The following GALNTL6 variants were observed in gnomAD, a reference collection of about 807,000 sequenced individuals.
The protein encoded by GALNTL6 is polypeptide N-acetylgalactosaminyltransferase like 6, also known as polypeptide N-acetylgalactosaminyltransferase-like 6.
Under a neutral mutation model 73.7 loss-of-function variants are expected in GALNTL6, and 46 were observed. That is an observed-to-expected ratio of 0.62 (90% CI 0.49 to 0.80). The LOEUF (loss-of-function observed/expected upper bound fraction) is 0.80. Among genes scored for constraint, GALNTL6 ranks in the 30% least tolerant of loss-of-function variants. The pLI is 0.00. For missense variants in GALNTL6, 604 were observed against 755.0 expected (o/e 0.80, Z 2.34); for synonymous variants, 259 against 263.7 (o/e 0.98, Z 0.17).
At chr4:172,897,275 G>C (rs1376828410) in intron 8 of GALNTL6, among the ~76,000 whole-genome samples, 1 of 152,170 alleles carries the variant, frequency 6.6e-6, no homozygotes, top group African/African-American at 2.4e-5. Flanking sequence ...AGGGTTTAGA[G>C]CTGGGAGTAG....
intron 7 of GALNTL6, among the ~76,000 whole-genome samples, chr4:172,858,818 C>A (rs576290448): frequency 3.8e-4 from 57 of 151,972 alleles, no homozygotes; most frequent in African/African-American, 1.3e-3. Flanking sequence ...CAGATAGGAA[C>A]GTGACTGGGA....
intron 5 of GALNTL6, among the ~76,000 whole-genome samples, chr4:172,534,724 A>T (rs1173754718): frequency 6.6e-6 from 1 of 152,074 alleles, no homozygotes; most frequent in African/African-American, 2.4e-5. Context: ...GTGCACCACC[A>T]TGCCGGCTAA....
intron 5 of GALNTL6, among the ~76,000 whole-genome samples, chr4:172,475,980 T>C (rs1306936004): frequency 6.6e-6 from 1 of 152,198 alleles, no homozygotes; most frequent in Non-Finnish European, 1.5e-5. Context: ...TAATAATTTT[T>C]TTAGTGAATT....
intron 5 of GALNTL6, among the ~76,000 whole-genome samples, chr4:172,608,379 A>G (rs1345772574): frequency 6.6e-6 from 1 of 152,276 alleles, no homozygotes; most frequent in South Asian, 2.1e-4. Context: ...TCATTTATTG[A>G]ATAGAGAATT....
intron 5 of GALNTL6, among the ~76,000 whole-genome samples, chr4:172,361,991 C>T (rs575778319): frequency 1.4e-4 from 21 of 152,108 alleles, no homozygotes; most frequent in Admixed American, 6.6e-4. Flanking sequence ...ATTATTATTC[C>T]GGCTATAAAA....
At chr4:172,371,282 G>T (rs940530918) in intron 5 of GALNTL6, among the ~76,000 whole-genome samples, 1 of 152,158 alleles carries the variant, frequency 6.6e-6, no homozygotes, top group African/African-American at 2.4e-5. Context: ...ACTTCCTATG[G>T]TAATTAATTA....
chr4:172,858,143 G>A (rs962085671), intron 7 of GALNTL6, among the ~76,000 whole-genome samples: 13 of 152,100 alleles, frequency 8.5e-5, no homozygotes, highest in Admixed American at 3.3e-4. Context: ...TGATGAAAAA[G>A]GGGTGACATT....
intron 10 of GALNTL6, among the ~76,000 whole-genome samples, chr4:172,969,862 G>A (rs901189293): frequency 3.3e-5 from 5 of 152,154 alleles, no homozygotes; most frequent in Admixed American, 2.0e-4. Flanking sequence ...ATCACATATC[G>A]GGGGAACCAG....
At chr4:172,678,427 C>A (rs145713783) in intron 5 of GALNTL6, among the ~76,000 whole-genome samples, 1 of 151,522 alleles carries the variant, frequency 6.6e-6, no homozygotes, top group East Asian at 1.9e-4. Context: ...CTCACCGCAA[C>A]CTCTGCCTCC....
chr4:172,270,839 C>T (rs1246266535), intron 3 of GALNTL6, among the ~76,000 whole-genome samples: 1 of 152,066 alleles, frequency 6.6e-6, no homozygotes, highest in African/African-American at 2.4e-5. Context: ...AAACTCAAAA[C>T]ATTAGAATTA....
At chr4:171,837,633 T>C (rs1735129578) in intron 2 of GALNTL6, among the ~76,000 whole-genome samples, 1 of 147,168 alleles carries the variant, frequency 6.8e-6, no homozygotes, top group Non-Finnish European at 1.5e-5. Context: ...TGTATATATT[T>C]ATATAATATA....
intron 5 of GALNTL6, among the ~76,000 whole-genome samples, chr4:172,608,965 A>T (rs1303443080): frequency 6.6e-6 from 1 of 151,960 alleles, no homozygotes; most frequent in Non-Finnish European, 1.5e-5. Context: ...TAATTTTTGT[A>T]TGTTAATTTT....
chr4:171,942,188 T>G lies in GALNTL6; in HGVS notation c.138+127470T>G, dbSNP rs191891989. On this transcript the variant is annotated intron_variant, in intron 2 of 12. Coordinates refer to ENST00000506823, the MANE Select transcript of GALNTL6 (RefSeq NM_001034845.3). ...AGTGGATCACTTGAGGTCAGGAGGT[T>G]GAGACCAGCCTGGCCAACATGGTGA... 4.0e-3 allele frequency among the ~76,000 whole-genome samples: 606 copies of G among 150,614 alleles called. 2 individuals are homozygous for G. Among genetic ancestry groups the G allele is most frequent in the Non-Finnish European group, 4.4e-3 (301 of 67,742 alleles).
chr4:172,625,751 G>A (rs1286421968), intron 5 of GALNTL6, among the ~76,000 whole-genome samples: 2 of 151,936 alleles, frequency 1.3e-5, no homozygotes, highest in Non-Finnish European at 2.9e-5. Flanking sequence ...TTGTGGCTTC[G>A]ATTTACAATT....
At chr4:172,038,201 A>G (rs1196084850) in intron 2 of GALNTL6, among the ~76,000 whole-genome samples, 1 of 151,718 alleles carries the variant, frequency 6.6e-6, no homozygotes, top group Non-Finnish European at 1.5e-5. Flanking sequence ...AATTCTATGC[A>G]TCTCCCTTGA....
chr4:171,936,685 G>T (rs1316142018), intron 2 of GALNTL6, among the ~76,000 whole-genome samples: 1 of 152,026 alleles, frequency 6.6e-6, no homozygotes, highest in Non-Finnish European at 1.5e-5. Context: ...AATGACACAA[G>T]ATATTTAAAA....
chr4:172,783,632 G>T (rs1198859623), intron 5 of GALNTL6, among the ~76,000 whole-genome samples: 2 of 151,782 alleles, frequency 1.3e-5, no homozygotes, highest in Admixed American at 1.3e-4. Context: ...CTGGAAGCCA[G>T]AAGTTAATGA....
chr4:172,568,343 G>C (rs1051020672), intron 5 of GALNTL6, among the ~76,000 whole-genome samples: 1 of 152,138 alleles, frequency 6.6e-6, no homozygotes, highest in African/African-American at 2.4e-5. Context: ...TTCTCTCCCA[G>C]GCTGTTATCC....
At chr4:171,907,739 A>C (rs900242104) in intron 2 of GALNTL6, among the ~76,000 whole-genome samples, 1 of 151,262 alleles carries the variant, frequency 6.6e-6, no homozygotes, top group East Asian at 1.9e-4. Context: ...ACCTGACTTC[A>C]AACTATACTA....
Sources: gnomAD v4.1 joint callset for allele counts (sites outside exome capture counted in the v4.1 genomes callset) on GRCh38, gnomAD v4.1.1 for gene constraint, MANE v1.5 for transcripts, NCBI Gene and HGNC (gene_info 2026-07-23, HGNC 2026-07-21) for gene names.